The following GRB10 variants were observed in gnomAD, a reference collection of about 807,000 sequenced individuals.
The protein encoded by GRB10 is growth factor receptor bound protein 10, also known as growth factor receptor-bound protein 10.
In GRB10, 20 loss-of-function variants were observed where a neutral mutation model predicts 80.9. That is an observed-to-expected ratio of 0.25 (90% confidence interval 0.17 to 0.36). The LOEUF is 0.36. Among genes scored for constraint, GRB10 ranks in the 10% least tolerant of loss-of-function variants. The pLI, the probability that GRB10 is intolerant of heterozygous loss-of-function variation, is 1.00. For missense variants in GRB10, 548 were observed against 747.7 expected (o/e 0.73, Z 3.12); for synonymous variants, 291 against 291.5 (o/e 1.00, Z 0.02).
intron 17 of GRB10, among the ~76,000 whole-genome samples, chr7:50,603,635 CAG>C: frequency 6.6e-6 from 1 of 152,314 alleles, no homozygotes; most frequent in Admixed American, 6.5e-5. Context: ...TATTTGTTCT[CAG>C]CAAAACCAAC....
intron 4 of GRB10, chr7:50,711,029 T>C: frequency 4.9e-6 from 4 of 823,326 alleles, no homozygotes; most frequent in Non-Finnish European, 8.5e-6. Context: ...ATAACTCCAC[T>C]AAGGTAAACA....
intron 3 of GRB10, among the ~76,000 whole-genome samples, chr7:50,754,178 G>A (rs939820632): frequency 8.5e-5 from 13 of 152,174 alleles, no homozygotes; most frequent in Non-Finnish European, 1.6e-4. Context: ...ACTGCACATC[G>A]TCTACAATGA....
At chr7:50,631,381 C>T (rs946551577) in intron 7 of GRB10, among the ~76,000 whole-genome samples, 3 of 152,146 alleles carry the variant, frequency 2.0e-5, no homozygotes, top group African/African-American at 4.8e-5. Context: ...CCACAGTACC[C>T]GAGATCCACA....
At chr7:50,788,355 G>A (rs886802722) in intron 1 of GRB10, among the ~76,000 whole-genome samples, 9 of 152,080 alleles carry the variant, frequency 5.9e-5, no homozygotes, top group African/African-American at 1.4e-4. Context: ...CCTGACCCTC[G>A]ACTCCCATGT....
rs1006020691 is a variant in GRB10 at position 50,651,301 on chromosome 7, C to T, written c.504+18421G>A. 5.3e-5 allele frequency among the ~76,000 whole-genome samples: 8 copies of T among 152,146 alleles called. No individual in the cohort carries two copies. In the South Asian group the frequency reaches 8.3e-4, roughly 16 times the overall value. ...AAGATGCGAGCAGGTCTGATCCTCCCGAGGTCTGGAGGGAGAACCCACTTC... is the reference window on the plus strand; with the variant it reads ...AAGATGCGAGCAGGTCTGATCCTCCTGAGGTCTGGAGGGAGAACCCACTTC... On this transcript the variant is annotated intron_variant, in intron 7 of 18. Coordinates refer to ENST00000401949, the MANE Select transcript of GRB10 (RefSeq NM_001350814.2).
In GRB10 at chr7:50,592,387, AC is replaced by A. The variant is rs1159600774; in HGVS notation, c.*564del. On this transcript the variant is annotated 3_prime_UTR_variant, in exon 19 of 19. Coordinates refer to ENST00000401949, the MANE Select transcript of GRB10 (RefSeq NM_001350814.2). ...TTTGTCATTTGGGAGCTGAATCCAC[AC>A]CGTGGTAGTCGGCAGAGGGTGTGGA... The A allele has an allele frequency of 6.4e-6, 1 of 155,516 alleles. No homozygotes were observed. The highest frequency in any genetic ancestry group is 6.3e-5 in the Admixed American group (1 of 15,976). 9.6% of individuals were successfully genotyped at this position (155,516 alleles called of 1,614,324 possible).
chr7:50,741,784 C>T (rs2071802402), intron 3 of GRB10, among the ~76,000 whole-genome samples: 1 of 151,970 alleles, frequency 6.6e-6, no homozygotes, highest in African/African-American at 2.4e-5. Context: ...ACCAACCCAT[C>T]CATCTTGAAC....
intron 3 of GRB10, among the ~76,000 whole-genome samples, chr7:50,744,405 C>G (rs970680778): frequency 6.6e-6 from 1 of 152,098 alleles, no homozygotes; most frequent in Non-Finnish European, 1.5e-5. Context: ...GAGCACTGAA[C>G]AAGGTAGGAG....
At chr7:50,693,025 T>C (rs1488668020) in intron 5 of GRB10, among the ~76,000 whole-genome samples, 1 of 152,180 alleles carries the variant, frequency 6.6e-6, no homozygotes, top group African/African-American at 2.4e-5. Flanking sequence ...AAAGTCATCA[T>C]CAGCATCATT....
At chr7:50,652,116 G>A (rs1288057139) in intron 7 of GRB10, among the ~76,000 whole-genome samples, 2 of 152,214 alleles carry the variant, frequency 1.3e-5, no homozygotes, top group Admixed American at 6.5e-5. Flanking sequence ...TAAATAATGT[G>A]TATTTCTAGT....
intron 5 of GRB10, among the ~76,000 whole-genome samples, chr7:50,701,912 C>CT (rs145369824): frequency 0.073 from 11,114 of 152,220 alleles, 629 homozygotes; most frequent in South Asian, 0.12. Context: ...CATGGTCACA[C>CT]TTTTTTTTGT....
intron 8 of GRB10, among the ~76,000 whole-genome samples, chr7:50,622,193 C>T (rs1316414992): frequency 3.9e-5 from 6 of 152,214 alleles, no homozygotes; most frequent in Admixed American, 6.5e-5. Context: ...TGGATAAGGC[C>T]GTAAGTGGAC....
chr7:50,688,887 C>G (rs1429387873), intron 5 of GRB10, among the ~76,000 whole-genome samples: 2 of 152,008 alleles, frequency 1.3e-5, no homozygotes, highest in Admixed American at 1.3e-4. Flanking sequence ...CAGGTCACTG[C>G]AGAGTGCACC....
intron 3 of GRB10, among the ~76,000 whole-genome samples, chr7:50,733,265 C>T (rs1448744998): frequency 1.3e-5 from 2 of 152,194 alleles, no homozygotes; most frequent in Admixed American, 1.3e-4. Context: ...ACCAAATCGG[C>T]CGATACCTTT....
At chr7:50,713,897 C>A (rs1345493098) in intron 4 of GRB10, among the ~76,000 whole-genome samples, 1 of 152,066 alleles carries the variant, frequency 6.6e-6, no homozygotes, top group Non-Finnish European at 1.5e-5. Flanking sequence ...TCCTCCACTA[C>A]CTACCCCTTC....
Position 50,674,528 on chromosome 7 carries a change from A to T in GRB10, c.270T>A (p.Pro90=). The change falls in exon 6 of 19, where the codon CCT becomes CCA. Residue 90 remains proline (P), a synonymous_variant. Coordinates refer to ENST00000401949, the MANE Select transcript of GRB10 (RefSeq NM_001350814.2). ...LQNGQHARSQ[P]RASGPPRSIQ... Reference sequence around the variant, plus strand: ...TGGACCGAGGAGGGCCTGAAGCCCGAGGCTGGCTGCGGGCATGCTGGCCAT... The same window carrying T: ...TGGACCGAGGAGGGCCTGAAGCCCGTGGCTGGCTGCGGGCATGCTGGCCAT... 1 of 1,611,126 alleles carries T rather than the reference A, an allele frequency of 6.2e-7. No individual in the cohort carries two copies. Among genetic ancestry groups the T allele is most frequent in the Non-Finnish European group, 8.5e-7 (1 of 1,180,000 alleles).
intron 5 of GRB10, among the ~76,000 whole-genome samples, chr7:50,688,385 C>T (rs1444196228): frequency 6.6e-6 from 1 of 152,168 alleles, no homozygotes; most frequent in Non-Finnish European, 1.5e-5. Context: ...AAAGAGGAAG[C>T]AGCTGCTTTT....
At chr7:50,753,798 A>C (rs2074564265) in intron 3 of GRB10, among the ~76,000 whole-genome samples, 1 of 152,236 alleles carries the variant, frequency 6.6e-6, no homozygotes, top group Admixed American at 6.5e-5. Context: ...TAATCAGGCA[A>C]TTGGAATGCA....
intron 5 of GRB10, among the ~76,000 whole-genome samples, chr7:50,682,812 G>A (rs1294761734): frequency 1.3e-5 from 2 of 152,164 alleles, no homozygotes; most frequent in Non-Finnish European, 2.9e-5. Context: ...CCAATTCAAA[G>A]GGGAGGGAAA....
Sources: allele counts gnomAD v4.1 joint callset (sites outside exome capture counted in the v4.1 genomes callset), GRCh38; gene constraint gnomAD v4.1.1; transcripts MANE v1.5; gene names NCBI Gene and HGNC (gene_info 2026-07-23, HGNC 2026-07-21).